The following ZNF318 variants were observed in gnomAD, a reference collection of about 807,000 sequenced individuals.
The protein encoded by ZNF318 is endocrine regulator.
Under a neutral mutation model 124.2 loss-of-function variants are expected in ZNF318, and 51 were observed. The ratio of observed to expected loss-of-function variants is 0.41; its 90% CI spans 0.33 to 0.52. ZNF318 has a LOEUF of 0.52. Ranked by LOEUF, ZNF318 falls within the 20% of genes least tolerant of loss-of-function variation. The probability of loss-of-function intolerance (pLI) is 0.23; values close to 1 mark genes in which losing one functional copy is unlikely to be tolerated. For synonymous variants in ZNF318, 1,090 were observed against 1,040.7 expected, an observed-to-expected ratio of 1.05 and a Z score of -0.91; for missense variants, 2,815 against 2,811.2, an observed-to-expected ratio of 1.00 and a Z score of -0.03.
chr6:43,338,330 G>C lies in ZNF318; in HGVS notation c.5668C>G (p.Pro1890Ala). The change falls in exon 10 of 10, where the codon CCA (proline) becomes GCA (alanine). Residue 1890 changes from proline to alanine, a missense_variant. By Grantham distance (27) the Pro-to-Ala change is conservative. Transcript: ENST00000361428. ...GCTGGGGAATGAAGCAGCAACTCTG[G>C]GGCAGAAATTTTCACAGGTGTATCT... ...PQDTPVKISA[P>A]ELLLHSPARS... 1.2e-6 allele frequency: 2 copies of C among 1,614,094 alleles called. No individual in the cohort carries two copies. The highest frequency in any genetic ancestry group is 2.2e-5 in the East Asian group (1 of 44,882).
chr6:43,358,115 G>C (rs1210305004), intron 2 of ZNF318, among the ~76,000 whole-genome samples: 1 of 152,158 alleles, frequency 6.6e-6, no homozygotes, highest in Non-Finnish European at 1.5e-5. Flanking sequence ...GCATTACCTG[G>C]GAACTTTTTA....
Position 43,337,098 on chromosome 6 carries a change from C to T in ZNF318, c.*60G>A, listed in dbSNP as rs1779290199. The T allele has an allele frequency of 1.4e-6, 2 of 1,440,846 alleles. No individual in the cohort carries two copies. The highest frequency in any genetic ancestry group is 1.9e-6 in the Non-Finnish European group (2 of 1,077,142). The allele number at this position is 1,440,846 out of a possible 1,614,324, so 89.3% of individuals were successfully genotyped here. A position where few individuals can be genotyped will look rare whatever the true frequency, so the allele number is the denominator to read the frequency against. ...AGATAACAAACTAGTCTTGGATCATCTGGGCATCTGATTTCTAGAAGCCAA... is the reference window on the plus strand; with the variant it reads ...AGATAACAAACTAGTCTTGGATCATTTGGGCATCTGATTTCTAGAAGCCAA... On this transcript the variant is annotated 3_prime_UTR_variant, in exon 10 of 10. Coordinates refer to ENST00000361428, the MANE Select transcript of ZNF318 (RefSeq NM_014345.3).
intron 2 of ZNF318, 98 bp downstream of exon 2, chr6:43,365,194 A>G (rs1262725447): frequency 2.2e-6 from 3 of 1,368,536 alleles, no homozygotes; most frequent in Non-Finnish European, 3.0e-6. Context: ...AAATAACTTT[A>G]GAGCTGGCAC....
At chr6:43,345,874 A>G (rs1433637621) in intron 6 of ZNF318, among the ~76,000 whole-genome samples, 1 of 151,894 alleles carries the variant, frequency 6.6e-6, no homozygotes, top group Non-Finnish European at 1.5e-5. Context: ...TGGGAGGCTG[A>G]GGCGGGAGGA....
intron 2 of ZNF318, among the ~76,000 whole-genome samples, chr6:43,359,396 G>A (rs1779651776): frequency 6.6e-6 from 1 of 152,146 alleles, no homozygotes; most frequent in African/African-American, 2.4e-5. Flanking sequence ...CTTCTCAGGG[G>A]CTATGGCTAT....
intron 2 of ZNF318, 118 bp from the exon 3 acceptor site, chr6:43,357,883 A>G: frequency 2.2e-6 from 2 of 900,678 alleles, no homozygotes; most frequent in African/African-American, 1.7e-5. Flanking sequence ...AAAGACTATA[A>G]TCATGAAGTC....
Position 43,369,273 on chromosome 6 carries a change from G to C in ZNF318, c.93C>G (p.Ser31=). 7 of 1,311,544 alleles carry C rather than the reference G, an allele frequency of 5.3e-6. No individual in the cohort carries two copies. Among genetic ancestry groups the C allele is most frequent in the Non-Finnish European group, 6.8e-6 (7 of 1,027,218 alleles). 81.2% of individuals were successfully genotyped at this position (1,311,544 alleles called of 1,614,324 possible). A position where few individuals can be genotyped will look rare whatever the true frequency, so the allele number is the denominator to read the frequency against. ...GGPRSGRSSG[S]SSGPARRSSP... Reference sequence around the variant, plus strand: ...AGCTGCGGCGAGCCGGGCCTGAGGAGGAGCCAGAGCTGCGGCCGCTGCGCG... The same window carrying C: ...AGCTGCGGCGAGCCGGGCCTGAGGACGAGCCAGAGCTGCGGCCGCTGCGCG... The change falls in exon 1 of 10, where the codon TCC becomes TCG. Residue 31 remains serine (S), a synonymous_variant. Coordinates refer to ENST00000361428, the MANE Select transcript of ZNF318 (RefSeq NM_014345.3).
In ZNF318 at chr6:43,355,784, G is replaced by C. The variant is rs191781952; in HGVS notation, c.1550C>G (p.Ser517Cys). The C allele has an allele frequency of 1.1e-5, 17 of 1,614,202 alleles. No homozygotes were observed. The East Asian group carries it at 1.8e-4, about 17-fold the overall frequency. Residue 517 changes from serine to cysteine, a missense_variant, in exon 4 of 10, where the codon TCT becomes TGT. Around this residue, in one of 4 missense-constraint regions of ZNF318, gnomAD observed 1,377 missense variants for 1,353.5 expected, o/e 1.02. Coordinates refer to ENST00000361428, the MANE Select transcript of ZNF318 (RefSeq NM_014345.3). ...TCGCCTTTTTTCCTGTGTACTGGTA[G>C]AATCAGCCAACATGCTCAGAATGCG... ...FSRILSMLAD[S>C]TSTQEKRRRS... is the part of the protein sequence containing the mutation.
chr6:43,361,390 C>T (rs993977058), intron 2 of ZNF318, among the ~76,000 whole-genome samples: 8 of 152,118 alleles, frequency 5.3e-5, no homozygotes, highest in African/African-American at 1.9e-4. Context: ...TAGATAGAAA[C>T]CCAATTTCTA....
At chr6:43,351,828 T>C (rs1012803887) in intron 5 of ZNF318, among the ~76,000 whole-genome samples, 4 of 150,604 alleles carry the variant, frequency 2.7e-5, no homozygotes, top group Admixed American at 6.6e-5. Context: ...GAGAAAAAGA[T>C]AGAGCAAGCG....
At chr6:43,358,541 C>T (rs1422329485) in intron 2 of ZNF318, among the ~76,000 whole-genome samples, 2 of 151,250 alleles carry the variant, frequency 1.3e-5, no homozygotes, top group Non-Finnish European at 2.9e-5. Context: ...GGATTACAGG[C>T]ATGAGCCACC....
rs1424444508 is a variant in ZNF318 at position 43,365,426 on chromosome 6, A to G, written c.414T>C (p.Gly138=). The change falls in exon 2 of 10, where the codon GGT becomes GGC. Residue 138 remains glycine, a synonymous_variant. Coordinates refer to ENST00000361428, the MANE Select transcript of ZNF318 (RefSeq NM_014345.3). Reference sequence around the variant, plus strand: ...TCTTTTCCAAAGAGTCAGAACACAGACCAGGAGAGCGTCTCTACAAAAGTA... The same window carrying G: ...TCTTTTCCAAAGAGTCAGAACACAGGCCAGGAGAGCGTCTCTACAAAAGTA... ...GDSGSRRRSP[G]LCSDSLEKSL... 1 of 1,613,738 alleles carries G rather than the reference A, an allele frequency of 6.2e-7. No individual in the cohort carries two copies. The highest frequency in any genetic ancestry group is 1.7e-5 in the Admixed American group (1 of 59,990).
At chr6:43,346,524 C>CAAAAA (rs59587962) in intron 6 of ZNF318, among the ~76,000 whole-genome samples, 52 of 104,494 alleles carry the variant, frequency 5.0e-4, no homozygotes, top group Middle Eastern at 6.0e-3. Flanking sequence ...CATCTTTAAC[C>CAAAAA]AAAAAAAAAA....
chr6:43,348,531 G>A lies in ZNF318; in HGVS notation c.2865C>T (p.Asp955=). 1 of 1,614,098 alleles carries A rather than the reference G, an allele frequency of 6.2e-7. No homozygotes were observed. The highest frequency in any genetic ancestry group is 2.2e-5 in the East Asian group (1 of 44,880). The change falls in exon 6 of 10, where the codon GAC becomes GAT. Residue 955 remains aspartate, a synonymous_variant. Transcript: ENST00000361428. ...CTGCCTCTTGCCGTAGCTCTGCAATGTCCTTCATAATGTTATCCTGAAGCC... is the reference window on the plus strand; with the variant it reads ...CTGCCTCTTGCCGTAGCTCTGCAATATCCTTCATAATGTTATCCTGAAGCC... ...VSRLQDNIMK[D]IAELRQEAEE...
At chr6:43,363,452 C>T (rs772747437) in intron 2 of ZNF318, 28 of 167,896 alleles carry the variant, frequency 1.7e-4, no homozygotes, top group Non-Finnish European at 2.0e-4. Flanking sequence ...CAGATGATGT[C>T]GGTGGAGGGG....
rs150956561 is a variant in ZNF318 at position 43,339,939 on chromosome 6, A to G, written c.4059T>C (p.Pro1353=). The G allele has an allele frequency of 3.6e-5, 58 of 1,614,162 alleles. No homozygotes were observed. The African/African-American group carries it at 4.0e-4, about 11-fold the overall frequency. ...ACTTGCGGAGTACTGTGGATGGAAT[A>G]GGCAGGTTGGGTCGGATCTTAGTCT... ...STQTKIRPNL[P]IPSTVLRKSC... is the part of the protein sequence containing the mutation. The change falls in exon 10 of 10, where the codon CCT becomes CCC. Residue 1353 remains proline (P), a synonymous_variant. Coordinates refer to ENST00000361428, the MANE Select transcript of ZNF318 (RefSeq NM_014345.3). The surrounding 1 kb of genome is among the most constrained non-coding windows in gnomAD (Gnocchi z 4.2).
intron 6 of ZNF318, among the ~76,000 whole-genome samples, chr6:43,344,847 T>C (rs1325313676): frequency 1.3e-5 from 2 of 151,464 alleles, no homozygotes; most frequent in Admixed American, 6.6e-5. Flanking sequence ...ACCAAGGTAT[T>C]AATAATAAAT....
chr6:43,357,381 G>C lies in ZNF318; in HGVS notation c.933C>G (p.Leu311=), dbSNP rs1210594310. ...QRRRSPSPRF[L]DPEFRELDLA... ...GATCCAGTTCTCGAAACTCAGGGTCGAGAAACCTAGGACTTGGGCTTCTTC... is the reference window on the plus strand; with the variant it reads ...GATCCAGTTCTCGAAACTCAGGGTCCAGAAACCTAGGACTTGGGCTTCTTC... Residue 311 remains leucine (L), a synonymous_variant, in exon 3 of 10, where the codon CTC becomes CTG. Transcript: ENST00000361428. 1.9e-6 allele frequency: 3 copies of C among 1,613,984 alleles called. No homozygotes were observed. The highest frequency in any genetic ancestry group is 1.7e-5 in the Admixed American group (1 of 59,992).
Position 43,338,399 on chromosome 6 carries a change from A to G in ZNF318, c.5599T>C (p.Leu1867=), listed in dbSNP as rs1447693602. 3 of 1,614,046 alleles carry G rather than the reference A, an allele frequency of 1.9e-6. No homozygotes were observed. The highest frequency in any genetic ancestry group is 2.5e-6 in the Non-Finnish European group (3 of 1,180,042). ...CTAGCTTCTGATAAAAATGAGTCTA[A>G]TTTTGCCTTTGTGAAAGAGCAAGCC... ...PQACSFTKAK[L]DSFLSEARSL... Residue 1867 remains leucine, a synonymous_variant, in exon 10 of 10, where the codon TTA becomes CTA. Coordinates refer to ENST00000361428, the MANE Select transcript of ZNF318 (RefSeq NM_014345.3).
Sources: gnomAD v4.1 joint callset for allele counts (sites outside exome capture counted in the v4.1 genomes callset) on GRCh38, gnomAD v4.1.1 for gene constraint, gnomAD v4.1.1 regional missense constraint, Gnocchi (gnomAD v3.1) non-coding constraint, MANE v1.5 for transcripts, NCBI Gene and HGNC (gene_info 2026-07-23, HGNC 2026-07-21) for gene names.